Variants in REEP1 observed in about 807,000 individuals in gnomAD.
REEP1 encodes receptor expression-enhancing protein 1.
REEP1 carries 22 observed loss-of-function variants against 40.3 expected under a neutral mutation model. The observed-to-expected ratio is 0.55, with a 90% confidence interval of 0.39 to 0.78. The LOEUF (loss-of-function observed/expected upper bound fraction) is 0.78. REEP1 is among the 30% of genes least tolerant of loss of function. The probability of loss-of-function intolerance (pLI) is 0.00; values close to 1 mark genes in which losing one functional copy is unlikely to be tolerated. For missense variants in REEP1, 280 were observed against 361.1 expected, an observed-to-expected ratio of 0.78 and a Z score of 1.82; for synonymous variants, 116 against 139.2, an observed-to-expected ratio of 0.83 and a Z score of 1.17.
intron 7 of REEP1, among the ~76,000 whole-genome samples, chr2:86,222,161 C>T (rs1047338687): frequency 6.6e-6 from 1 of 152,186 alleles, no homozygotes; most frequent in Non-Finnish European, 1.5e-5. Flanking sequence ...CTCACACTTA[C>T]CAAAATCACC....
intron 1 of REEP1, among the ~76,000 whole-genome samples, chr2:86,316,715 T>A (rs550515087): frequency 2.9e-4 from 44 of 150,720 alleles, no homozygotes; most frequent in Non-Finnish European, 5.9e-4. Flanking sequence ...AAAAACTAGC[T>A]GGGCGTGGTG....
intron 3 of REEP1, among the ~76,000 whole-genome samples, chr2:86,257,720 C>A (rs960752749): frequency 6.6e-6 from 1 of 151,756 alleles, no homozygotes; most frequent in Non-Finnish European, 1.5e-5. Flanking sequence ...TCACTGCAAC[C>A]TCCACCTTCT....
At chr2:86,317,686 G>C (rs1320325024) in intron 1 of REEP1, among the ~76,000 whole-genome samples, 1 of 152,178 alleles carries the variant, frequency 6.6e-6, no homozygotes. Flanking sequence ...TTCCATTTAA[G>C]AATGTCATAG....
chr2:86,337,651 C>T, upstream of REEP1: 4 of 1,040,082 alleles, frequency 3.8e-6, no homozygotes, highest in Non-Finnish European at 3.5e-6. The surrounding 1 kb of genome is among the most constrained non-coding windows in gnomAD (Gnocchi z 5.8). Flanking sequence ...CCCTGCCCGG[C>T]GTTCGCGCGT....
intron 5 of REEP1, among the ~76,000 whole-genome samples, chr2:86,237,974 G>C (rs1460794122): frequency 6.6e-6 from 1 of 152,094 alleles, no homozygotes; most frequent in Non-Finnish European, 1.5e-5. Flanking sequence ...CTGAGGTCGG[G>C]AGTTTGAGAC....
chr2:86,245,801 G>A (rs541286857), intron 5 of REEP1, among the ~76,000 whole-genome samples: 5 of 145,188 alleles, frequency 3.4e-5, no homozygotes, highest in African/African-American at 7.7e-5. Context: ...GTCTCACTCC[G>A]TCTCCCAGGC....
chr2:86,280,147 G>C (rs967542241), intron 2 of REEP1: 2 of 428,898 alleles, frequency 4.7e-6, no homozygotes, highest in African/African-American at 4.1e-5. Flanking sequence ...CGCATTAGTC[G>C]AAAGGACTGC....
Position 86,295,112 on chromosome 2 carries a change from T to C in REEP1, c.33-12870A>G, listed in dbSNP as rs114659970. Among the ~76,000 whole-genome samples the C allele has an allele frequency of 4.5e-3, 685 of 152,276 alleles. 3 individuals are homozygous for C. Among genetic ancestry groups the C allele is most frequent in the Non-Finnish European group, 7.4e-3 (502 of 68,014 alleles). On this transcript the variant is annotated intron_variant, in intron 1 of 8. Coordinates refer to ENST00000538924, the MANE Select transcript of REEP1 (RefSeq NM_001371279.1). The stretch of plus-strand genomic sequence containing the variant: ...TTACTTCAATGAGCAAAATTTAAAT[T>C]CTGAGAGAATTTTCAGCACGTGTCT...
Position 86,312,112 on chromosome 2 carries a change from C to T in REEP1, c.32+25367G>A, listed in dbSNP as rs114401673. Among the ~76,000 whole-genome samples the T allele has an allele frequency of 6.4e-3, 976 of 152,296 alleles. 10 individuals carry two copies. The highest frequency in any genetic ancestry group is 0.018 in the African/African-American group (755 of 41,550). ...ACACAGACACACTGCTTTCACATCA[C>T]TCCTCCTGACAAACCCTCACCAGCT... On this transcript the variant is annotated intron_variant, in intron 1 of 8. Coordinates refer to ENST00000538924, the MANE Select transcript of REEP1 (RefSeq NM_001371279.1).
At chr2:86,231,283 C>G (rs1675001062) in intron 6 of REEP1, among the ~76,000 whole-genome samples, 1 of 152,218 alleles carries the variant, frequency 6.6e-6, no homozygotes, top group South Asian at 2.1e-4. Flanking sequence ...CCATCACCCC[C>G]ACAGCCGAGC....
In REEP1 at chr2:86,252,009, C is replaced by G. The variant is rs1372179529; in HGVS notation, c.365G>C (p.Gly122Ala). Residue 122 changes from glycine to alanine, a missense_variant, in exon 5 of 9, where the codon GGG becomes GCG. By Grantham distance (60) the Gly-to-Ala change is moderately conservative. Transcript: ENST00000538924. ...DRSYDALVHF[G>A]KRGLNVAATA... ...GGCGGCCACGTTCAAGCCCCGCTTC[C>G]CGAAGTGCACAAGGGCATCGTAACT... is the stretch of plus-strand genomic sequence containing the variant. 1 of 1,614,084 alleles carries G rather than the reference C, an allele frequency of 6.2e-7. No individual in the cohort carries two copies. Among genetic ancestry groups the G allele is most frequent in the Non-Finnish European group, 8.5e-7 (1 of 1,180,010 alleles).
chr2:86,302,826 T>C (rs1394707770), intron 1 of REEP1, among the ~76,000 whole-genome samples: 1 of 152,180 alleles, frequency 6.6e-6, no homozygotes, highest in Non-Finnish European at 1.5e-5. Flanking sequence ...GAGTAATTTT[T>C]ATTTTCTTCT....
chr2:86,265,693 C>T (rs1677094918), intron 2 of REEP1, among the ~76,000 whole-genome samples: 2 of 152,006 alleles, frequency 1.3e-5, no homozygotes, highest in African/African-American at 4.8e-5. Flanking sequence ...AAACAGAAAG[C>T]CAAATACTGC....
intron 1 of REEP1, among the ~76,000 whole-genome samples, chr2:86,315,560 C>G (rs1215524000): frequency 6.6e-6 from 1 of 152,204 alleles, no homozygotes; most frequent in African/African-American, 2.4e-5. Flanking sequence ...TCACTCAAGA[C>G]CAGATGATAG....
intron 5 of REEP1, among the ~76,000 whole-genome samples, chr2:86,244,213 C>T (rs867333877): frequency 6.6e-6 from 1 of 152,022 alleles, no homozygotes; most frequent in Non-Finnish European, 1.5e-5. Context: ...GCTTTTGATT[C>T]CAAAAATAGT....
intron 2 of REEP1, among the ~76,000 whole-genome samples, chr2:86,266,162 T>G (rs992818230): frequency 2.0e-5 from 3 of 152,168 alleles, no homozygotes; most frequent in Admixed American, 6.5e-5. Flanking sequence ...TAACTAGATA[T>G]CCACATGTAA....
rs141660916 is a variant in REEP1 at position 86,272,092 on chromosome 2, C to T, written c.106-8051G>A. Among the ~76,000 whole-genome samples, 46 of 152,162 alleles carry T rather than the reference C, an allele frequency of 3.0e-4. 1 individual carries two copies. The East Asian group carries it at 8.3e-3, about 28-fold the overall frequency. The stretch of plus-strand genomic sequence containing the variant: ...ACAAAAAATAGCCAGGTGTGGTGTA[C>T]GCACTTGTAATCCTAGCTACTCAGG... On this transcript the variant is annotated intron_variant, in intron 2 of 8. Transcript: ENST00000538924.
chr2:86,243,401 G>C (rs1675773279), intron 5 of REEP1, among the ~76,000 whole-genome samples: 1 of 152,196 alleles, frequency 6.6e-6, no homozygotes. Flanking sequence ...GGACCCTTGA[G>C]GCATCAGGCT....
At chr2:86,239,603 G>A (rs148166500) in intron 5 of REEP1, among the ~76,000 whole-genome samples, 223 of 152,230 alleles carry the variant, frequency 1.5e-3, no homozygotes, top group South Asian at 0.012. Context: ...CCATACATGC[G>A]CCACATCCAA....
Sources: gnomAD v4.1 joint callset for allele counts (sites outside exome capture counted in the v4.1 genomes callset) on GRCh38, gnomAD v4.1.1 for gene constraint, Gnocchi (gnomAD v3.1) non-coding constraint, MANE v1.5 for transcripts, NCBI Gene and HGNC (gene_info 2026-07-23, HGNC 2026-07-21) for gene names.